Variants in DYRK1A observed in about 807,000 individuals in gnomAD.
DYRK1A encodes the protein dual specificity tyrosine phosphorylation regulated kinase 1A, also known as dual specificity tyrosine-phosphorylation-regulated kinase 1A.
Under a neutral mutation model 79.7 loss-of-function variants are expected in DYRK1A, and 9 were observed. The observed-to-expected ratio is 0.11, with a 90% confidence interval of 0.07 to 0.20. The LOEUF (loss-of-function observed/expected upper bound fraction) is 0.20, where lower values mean the gene tolerates loss of function less well. Among genes scored for constraint, DYRK1A ranks in the 10% least tolerant of loss-of-function variants. The pLI is 1.00. For synonymous variants in DYRK1A, 349 were observed against 329.7 expected (o/e 1.06, Z -0.63); for missense variants, 622 against 956.0 (o/e 0.65, Z 4.61).
intron 4 of DYRK1A, among the ~76,000 whole-genome samples, chr21:37,480,140 CA>C (rs2052584600): frequency 6.6e-6 from 1 of 151,968 alleles, no homozygotes; most frequent in Non-Finnish European, 1.5e-5. Flanking sequence ...GCCATAAAAT[CA>C]AATATAAATA....
At position 37,490,386 on chromosome 21, in the gene DYRK1A, T is replaced by C. The variant is rs1049792; in HGVS notation, c.849T>C (p.Asn283=). The C allele has an allele frequency of 6.2e-7, 1 of 1,613,694 alleles. No homozygotes were observed. Among genetic ancestry groups the C allele is most frequent in the Non-Finnish European group, 8.5e-7 (1 of 1,179,692 alleles). ...TTCACTGTGATCTAAAACCTGAAAA[T>C]ATCCTTCTTTGTAACCCCAAACGCA... is the stretch of plus-strand genomic sequence containing the variant. ...SIIHCDLKPE[N]ILLCNPKRSA... The change falls in exon 7 of 12, where the codon AAT becomes AAC. Residue 283 remains asparagine (N), a synonymous_variant. Coordinates refer to ENST00000647188, the MANE Select transcript of DYRK1A (RefSeq NM_001347721.2).
chr21:37,401,327 G>GC (rs1196646669), intron 1 of DYRK1A, among the ~76,000 whole-genome samples: 1 of 152,044 alleles, frequency 6.6e-6, no homozygotes, highest in Non-Finnish European at 1.5e-5. Flanking sequence ...ATGGTCATGA[G>GC]CCAATCATGA....
intron 1 of DYRK1A, among the ~76,000 whole-genome samples, chr21:37,405,967 CATT>C (rs1016420212): frequency 5.9e-5 from 9 of 151,518 alleles, no homozygotes; most frequent in Admixed American, 1.3e-4. Context: ...AATAAGTTCT[CATT>C]GTTGATGTTA....
At chr21:37,368,857 C>T (rs2049371693) in intron 1 of DYRK1A, among the ~76,000 whole-genome samples, 1 of 152,064 alleles carries the variant, frequency 6.6e-6, no homozygotes, top group Non-Finnish European at 1.5e-5. Context: ...AGGGTTCTAA[C>T]CTAGAGATGT....
rs1430117613 is a variant in DYRK1A, at chr21:37,403,683, G to A, written c.-76-16616G>A. ...TATATATGTGTGTGTGTGTGTGTGTGTGTGTGTGTGTGTGTGTTCACCAGG... is the reference window on the plus strand; with the variant it reads ...TATATATGTGTGTGTGTGTGTGTGTATGTGTGTGTGTGTGTGTTCACCAGG... On this transcript the variant is annotated intron_variant, in intron 1 of 11. Transcript: ENST00000647188. Among the ~76,000 whole-genome samples, 733 of 149,634 alleles carry A rather than the reference G, an allele frequency of 4.9e-3. 10 individuals carry two copies. The highest frequency in any genetic ancestry group is 8.9e-3 in the Non-Finnish European group (604 of 67,488).
chr21:37,429,312 T>G (rs1037021030), intron 2 of DYRK1A, among the ~76,000 whole-genome samples: 8 of 152,208 alleles, frequency 5.3e-5, no homozygotes, highest in African/African-American at 1.2e-4. Flanking sequence ...GGTAGTAGTA[T>G]TCTTCAGGCC....
In DYRK1A at chr21:37,367,284, C is replaced by G. The variant is rs1481726045; in HGVS notation, c.-421C>G. The G allele has an allele frequency of 2.0e-5, 3 of 150,986 alleles. No individual in the cohort carries two copies. The highest frequency in any genetic ancestry group is 4.8e-5 in the African/African-American group (2 of 41,292). The allele number at this position is 150,986 out of a possible 1,614,324, so 9.4% of individuals were successfully genotyped here. On this transcript the variant is annotated 5_prime_UTR_variant, in exon 1 of 12. Coordinates refer to ENST00000647188, the MANE Select transcript of DYRK1A (RefSeq NM_001347721.2). ...ATTTTGTGAGATTTACAAAATCCTC[C>G]TCGGGAAGAAGCCGCCGGCAGCAGC...
At chr21:37,504,464 G>A (rs1481005867) in intron 9 of DYRK1A, 1 of 152,148 alleles carries the variant, frequency 6.6e-6, no homozygotes, top group Non-Finnish European at 1.5e-5. Context: ...TCCAACTTTG[G>A]ATCCTCATAC....
intron 1 of DYRK1A, among the ~76,000 whole-genome samples, chr21:37,409,050 G>T (rs1354345058): frequency 6.6e-6 from 1 of 152,150 alleles, no homozygotes; most frequent in East Asian, 1.9e-4. Context: ...ACTGGCATTG[G>T]GTTTGGACGT....
rs1397673486 is a variant in DYRK1A, at chr21:37,522,943, T to C, written c.*10412T>C. ...CAGCTCCAGGGTGCTGGGACACTGC[T>C]GGGTGACGCTCCACAGTGTGTGCTT... On this transcript the variant is annotated 3_prime_UTR_variant, in exon 12 of 12. Transcript: ENST00000647188. The C allele has an allele frequency of 6.6e-6, 1 of 152,396 alleles. No homozygotes were observed. The highest frequency in any genetic ancestry group is 1.5e-5 in the Non-Finnish European group (1 of 68,178). 9.4% of individuals were successfully genotyped at this position (152,396 alleles called of 1,614,324 possible).
At chr21:37,401,323 A>T (rs759222453) in intron 1 of DYRK1A, among the ~76,000 whole-genome samples, 1 of 152,186 alleles carries the variant, frequency 6.6e-6, no homozygotes, top group Non-Finnish European at 1.5e-5. Context: ...TTTCATGGTC[A>T]TGAGCCAATC....
At chr21:37,382,172 A>G (rs2049670142) in intron 1 of DYRK1A, among the ~76,000 whole-genome samples, 1 of 151,718 alleles carries the variant, frequency 6.6e-6, no homozygotes, top group Non-Finnish European at 1.5e-5. Context: ...AATCAGATGG[A>G]TATTCATGGT....
intron 2 of DYRK1A, chr21:37,430,252 C>G (rs2050740712): frequency 3.2e-6 from 3 of 946,934 alleles, no homozygotes; most frequent in African/African-American, 3.5e-5. Flanking sequence ...TAATTGAATC[C>G]TTTATTTTTG....
intron 11 of DYRK1A, among the ~76,000 whole-genome samples, chr21:37,510,598 C>G (rs925657279): frequency 3.9e-5 from 6 of 152,140 alleles, no homozygotes; most frequent in Non-Finnish European, 8.8e-5. Context: ...ATATAACAGA[C>G]CCCCAAAATA....
At chr21:37,442,427 G>A (rs1201607975) in intron 2 of DYRK1A, among the ~76,000 whole-genome samples, 2 of 152,078 alleles carry the variant, frequency 1.3e-5, no homozygotes, top group African/African-American at 4.8e-5. Context: ...AATTTCAGTT[G>A]TTGAGTACTC....
Position 37,393,848 on chromosome 21 carries a change from G to A in DYRK1A, c.-77+26220G>A, listed in dbSNP as rs551474843. ...TGCCCTGGGCATCTTCCTCCAGGTG[G>A]CCTTTCCACCTGGCACACTTGGGCT... On this transcript the variant is annotated intron_variant, in intron 1 of 11. Coordinates refer to ENST00000647188, the MANE Select transcript of DYRK1A (RefSeq NM_001347721.2). 2.6e-5 allele frequency among the ~76,000 whole-genome samples: 4 copies of A among 152,316 alleles called. 1 individual carries two copies. The South Asian group carries it at 8.3e-4, about 32-fold the overall frequency.
chr21:37,474,357 T>G (rs1357947340), intron 3 of DYRK1A, among the ~76,000 whole-genome samples: 1 of 152,238 alleles, frequency 6.6e-6, no homozygotes, highest in African/African-American at 2.4e-5. Context: ...ATTTCTGTTT[T>G]AAGCTATGAA....
At position 37,484,339 on chromosome 21, in the gene DYRK1A, T is replaced by G. The variant is rs574105264; in HGVS notation, c.490-2128T>G. The stretch of plus-strand genomic sequence containing the variant: ...GCACTCAATAGGTCCCTTTTTTTTT[T>G]TTTTTTGAGATGGAGTTTTGCTTTT... On this transcript the variant is annotated intron_variant, in intron 5 of 11. Transcript: ENST00000647188. Among the ~76,000 whole-genome samples, 4 of 151,544 alleles carry G rather than the reference T, an allele frequency of 2.6e-5. No homozygotes were observed. The East Asian group carries it at 7.8e-4, about 30-fold the overall frequency.
chr21:37,402,787 G>A (rs1401971718), intron 1 of DYRK1A, among the ~76,000 whole-genome samples: 3 of 151,654 alleles, frequency 2.0e-5, no homozygotes, highest in Non-Finnish European at 2.9e-5. Flanking sequence ...TTTTGAGACA[G>A]AGTCTTACTC....
Sources: allele counts gnomAD v4.1 joint callset (sites outside exome capture counted in the v4.1 genomes callset), GRCh38; gene constraint gnomAD v4.1.1; transcripts MANE v1.5; gene names NCBI Gene and HGNC (gene_info 2026-07-23, HGNC 2026-07-21).